The following PCDH7 variants were observed in gnomAD, a reference collection of about 807,000 sequenced individuals.
PCDH7 encodes protocadherin 7.
PCDH7 carries 17 observed loss-of-function variants against 58.9 expected under a neutral mutation model. The observed-to-expected ratio is 0.29, with a 90% CI of 0.20 to 0.43. PCDH7 has a LOEUF of 0.43. PCDH7 is among the 20% of genes least tolerant of loss of function. The pLI is 1.00. For missense variants in PCDH7, 1,274 were observed against 1,441.0 expected (o/e 0.88, Z 1.88); for synonymous variants, 664 against 616.4 (o/e 1.08, Z -1.14).
intron 1 of PCDH7, among the ~76,000 whole-genome samples, chr4:30,827,790 T>C (rs1462899623): frequency 6.6e-6 from 1 of 152,118 alleles, no homozygotes; most frequent in East Asian, 1.9e-4. Flanking sequence ...CAATCTAGTA[T>C]GTGCATAGAT....
intron 1 of PCDH7, chr4:30,725,211 T>C (rs560730005): frequency 2.0e-6 from 2 of 997,038 alleles, no homozygotes; most frequent in Admixed American, 1.2e-4. Flanking sequence ...TTTCAATCTT[T>C]TATATCTATA....
chr4:30,787,847 T>C (rs754720848), intron 1 of PCDH7, among the ~76,000 whole-genome samples: 4 of 152,074 alleles, frequency 2.6e-5, no homozygotes, highest in Non-Finnish European at 4.4e-5. Context: ...TTACCTAGAA[T>C]GTAAAGAGGT....
At chr4:30,781,879 G>A (rs1722850597) in intron 1 of PCDH7, among the ~76,000 whole-genome samples, 1 of 152,086 alleles carries the variant, frequency 6.6e-6, no homozygotes, top group Non-Finnish European at 1.5e-5. Context: ...TTGACTCGCT[G>A]ACTAAAATAC....
intron 1 of PCDH7, among the ~76,000 whole-genome samples, chr4:30,910,621 C>A (rs1741606917): frequency 6.6e-6 from 1 of 152,098 alleles, no homozygotes; most frequent in South Asian, 2.1e-4. Context: ...CCCTCTCATA[C>A]CAGTTAGAAT....
At chr4:31,122,209 A>G (rs1428905415) in intron 3 of PCDH7, among the ~76,000 whole-genome samples, 1 of 152,158 alleles carries the variant, frequency 6.6e-6, no homozygotes, top group African/African-American at 2.4e-5. Context: ...AATATATTTA[A>G]TCACACCAAA....
chr4:30,746,359 CA>C (rs552588160), intron 1 of PCDH7, among the ~76,000 whole-genome samples: 110 of 152,080 alleles, frequency 7.2e-4, no homozygotes, highest in Admixed American at 2.2e-3. Context: ...TTGCAAGAAC[CA>C]GATTGATTTT....
intron 1 of PCDH7, among the ~76,000 whole-genome samples, chr4:30,866,641 T>C (rs1019889325): frequency 2.0e-5 from 3 of 151,986 alleles, no homozygotes; most frequent in Non-Finnish European, 1.5e-5. Flanking sequence ...CAGCAATCAG[T>C]TGCTTTCTGG....
intron 2 of PCDH7, among the ~76,000 whole-genome samples, chr4:30,943,732 T>G (rs1427548994): frequency 6.6e-6 from 1 of 152,066 alleles, no homozygotes; most frequent in Admixed American, 6.6e-5. Context: ...CTGTTTTTTT[T>G]TTTTTAGCTC....
chr4:30,907,832 A>C (rs548900141), intron 1 of PCDH7, among the ~76,000 whole-genome samples: 1 of 152,310 alleles, frequency 6.6e-6, no homozygotes, highest in African/African-American at 2.4e-5. Context: ...TCACAATAGC[A>C]AAGACTTGAA....
intron 1 of PCDH7, among the ~76,000 whole-genome samples, chr4:30,778,180 C>T (rs556176608): frequency 1.3e-5 from 2 of 152,012 alleles, no homozygotes; most frequent in South Asian, 4.2e-4. Context: ...CTTCCATTAA[C>T]AAAAAGTGAG....
At chr4:31,079,313 T>TAG (rs1759281187) in intron 3 of PCDH7, among the ~76,000 whole-genome samples, 1 of 3,712 alleles carries the variant, frequency 2.7e-4, no homozygotes, top group Admixed American at 2.2e-3. Context: ...CTGGAAGATA[T>TAG]ATATATATAT....
chr4:31,081,921 C>T (rs1051300529), intron 3 of PCDH7, among the ~76,000 whole-genome samples: 7 of 151,978 alleles, frequency 4.6e-5, no homozygotes, highest in Non-Finnish European at 5.9e-5. Context: ...TACAGGCCCA[C>T]GCCACCAAGG....
intron 1 of PCDH7, among the ~76,000 whole-genome samples, chr4:30,883,488 GTACT>G (rs1737272963): frequency 6.6e-6 from 1 of 152,104 alleles, no homozygotes; most frequent in Non-Finnish European, 1.5e-5. Flanking sequence ...ATGTAACGTG[GTACT>G]TACTTTGTTT....
rs1213576378 is a variant in PCDH7 at position 30,824,147 on chromosome 4, CTTTCTTTCTTTCTTTT to C, written c.71-96004_71-95989del. Among the ~76,000 whole-genome samples, 124 of 113,700 alleles carry C rather than the reference CTTTCTTTCTTTCTTTT, an allele frequency of 1.1e-3. 2 individuals carry two copies. In the East Asian group the frequency reaches 0.018, roughly 17 times the overall value. The allele number at this position is 113,700 out of a possible 152,430, so 74.6% of individuals were successfully genotyped here. Reference sequence around the variant, plus strand: ...TCTTTCTTTCTTTCTTTCTTTCTTTCTTTCTTTCTTTCTTTTTGCTTCCCTCATATATGTGATTCTC... The same window carrying C: ...TCTTTCTTTCTTTCTTTCTTTCTTTCTGCTTCCCTCATATATGTGATTCTC... On this transcript the variant is annotated intron_variant, in intron 1 of 3. Transcript: ENST00000509759.
intron 1 of PCDH7, among the ~76,000 whole-genome samples, chr4:30,806,938 T>C (rs1478549238): frequency 6.6e-6 from 1 of 152,154 alleles, no homozygotes; most frequent in Non-Finnish European, 1.5e-5. Context: ...TCTTAAATTT[T>C]ATTTTTGTGT....
intron 1 of PCDH7, among the ~76,000 whole-genome samples, chr4:30,835,816 A>G (rs747975668): frequency 2.0e-5 from 3 of 152,214 alleles, no homozygotes; most frequent in Non-Finnish European, 2.9e-5. Context: ...ATGCATGCTG[A>G]ACATTTTTTA....
chr4:31,126,268 G>A (rs771482178), intron 3 of PCDH7, among the ~76,000 whole-genome samples: 10 of 151,586 alleles, frequency 6.6e-5, no homozygotes, highest in Non-Finnish European at 1.3e-4. Flanking sequence ...AGATTCTCAC[G>A]CCTCAGCCTC....
chr4:30,752,462 G>A (rs1718659841), intron 1 of PCDH7, among the ~76,000 whole-genome samples: 1 of 152,104 alleles, frequency 6.6e-6, no homozygotes, highest in African/African-American at 2.4e-5. Context: ...GCTACCTGGT[G>A]TCTCCTCTTT....
intron 3 of PCDH7, among the ~76,000 whole-genome samples, chr4:31,108,919 T>C (rs1715938457): frequency 6.6e-6 from 1 of 152,114 alleles, no homozygotes; most frequent in South Asian, 2.1e-4. Context: ...ACCTGAGCCA[T>C]AGTGAGCTGT....
Sources: gnomAD v4.1 joint callset for allele counts (sites outside exome capture counted in the v4.1 genomes callset) on GRCh38, gnomAD v4.1.1 for gene constraint, MANE v1.5 for transcripts, NCBI Gene and HGNC (gene_info 2026-07-23, HGNC 2026-07-21) for gene names.